The following TMCC3 variants were observed in gnomAD, a reference collection of about 807,000 sequenced individuals.
TMCC3 encodes transmembrane and coiled-coil domain protein 3.
In TMCC3, 28 loss-of-function variants were observed where a neutral mutation model predicts 40.2. That is an observed-to-expected ratio of 0.70 (90% CI 0.52 to 0.95). The LOEUF (loss-of-function observed/expected upper bound fraction) is 0.95, where lower values mean the gene tolerates loss of function less well. Ranked by LOEUF, TMCC3 falls within the 40% of genes least tolerant of loss-of-function variation. TMCC3 has a pLI of 0.00. For missense variants in TMCC3, 554 were observed against 615.2 expected, an observed-to-expected ratio of 0.90 and a Z score of 1.05; for synonymous variants, 255 against 248.5, an observed-to-expected ratio of 1.03 and a Z score of -0.25.
At chr12:94,618,983 T>C (rs2068861522) in intron 1 of TMCC3, among the ~76,000 whole-genome samples, 1 of 152,198 alleles carries the variant, frequency 6.6e-6, no homozygotes, top group Non-Finnish European at 1.5e-5. Flanking sequence ...GCCATTGAGG[T>C]GGCAACTTCC....
intron 1 of TMCC3, among the ~76,000 whole-genome samples, chr12:94,607,552 A>C (rs546232981): frequency 1.1e-4 from 16 of 152,340 alleles, no homozygotes; most frequent in Middle Eastern, 3.4e-3. Context: ...CCATGGTTCC[A>C]GGCGGTCTCT....
chr12:94,591,414 T>A (rs1448809858), intron 1 of TMCC3, among the ~76,000 whole-genome samples: 4 of 148,886 alleles, frequency 2.7e-5, no homozygotes, highest in Admixed American at 1.4e-4. Context: ...ATTTTTTTTT[T>A]TCTTTAAATT....
chr12:94,627,384 C>T (rs1412796659), intron 1 of TMCC3, among the ~76,000 whole-genome samples: 1 of 152,190 alleles, frequency 6.6e-6, no homozygotes, highest in Non-Finnish European at 1.5e-5. Flanking sequence ...TATCAACATT[C>T]TAGTCCAAGC....
At chr12:94,580,496 A>C (rs1315789515) in intron 2 of TMCC3, among the ~76,000 whole-genome samples, 1 of 152,178 alleles carries the variant, frequency 6.6e-6, no homozygotes, top group African/African-American at 2.4e-5. Context: ...GCACTTTGGG[A>C]GGACAAGGCG....
At chr12:94,597,539 T>C (rs2068726094) in intron 1 of TMCC3, among the ~76,000 whole-genome samples, 2 of 151,994 alleles carry the variant, frequency 1.3e-5, no homozygotes, top group Admixed American at 1.3e-4. Flanking sequence ...GTGCAGCAGC[T>C]CACGCCTGTA....
At chr12:94,581,578 T>A (rs752374332) in intron 2 of TMCC3, 44 bp downstream of exon 2, 33 of 1,204,678 alleles carry the variant, frequency 2.7e-5, no homozygotes, top group African/African-American at 1.9e-4. Context: ...AAAAAATAAA[T>A]AAATAAAAAA....
intron 1 of TMCC3, among the ~76,000 whole-genome samples, chr12:94,649,531 A>G (rs1048603800): frequency 6.9e-6 from 1 of 145,250 alleles, no homozygotes; most frequent in East Asian, 1.9e-4. Context: ...TGGCACTTCA[A>G]TCAGCCCTGG....
chr12:94,620,114 G>T (rs910190162), intron 1 of TMCC3, among the ~76,000 whole-genome samples: 1 of 151,800 alleles, frequency 6.6e-6, no homozygotes, highest in African/African-American at 2.4e-5. Context: ...GGCGAGCCAA[G>T]ATAGTGCCAT....
At chr12:94,601,117 T>C (rs1054434340) in intron 1 of TMCC3, among the ~76,000 whole-genome samples, 2 of 152,206 alleles carry the variant, frequency 1.3e-5, no homozygotes, top group Non-Finnish European at 2.9e-5. Flanking sequence ...GTAACTGTAT[T>C]TACAGCTACC....
At chr12:94,577,275 G>T (rs2068571178) in intron 3 of TMCC3, among the ~76,000 whole-genome samples, 1 of 152,020 alleles carries the variant, frequency 6.6e-6, no homozygotes, top group Non-Finnish European at 1.5e-5. Context: ...TGCAACCTCT[G>T]CCTCCCGGAT....
chr12:94,595,600 G>A (rs77614706), intron 1 of TMCC3, among the ~76,000 whole-genome samples: 1 of 152,316 alleles, frequency 6.6e-6, no homozygotes, highest in African/African-American at 2.4e-5. Flanking sequence ...GGAAAAACAT[G>A]TACTGGATGA....
At chr12:94,589,992 C>G (rs1309117114) in intron 1 of TMCC3, among the ~76,000 whole-genome samples, 1 of 152,074 alleles carries the variant, frequency 6.6e-6, no homozygotes, top group Non-Finnish European at 1.5e-5. Flanking sequence ...GTTTAGACTA[C>G]TCTGTCAGAA....
At position 94,590,881 on chromosome 12, in the gene TMCC3, A is replaced by T. The variant is rs114396364; in HGVS notation, c.79-8343T>A. On this transcript the variant is annotated intron_variant, in intron 1 of 3. Coordinates refer to ENST00000261226, the MANE Select transcript of TMCC3 (RefSeq NM_020698.4). The stretch of plus-strand genomic sequence containing the variant: ...CACTGGAGAGGAGCCCCTGGATGTT[A>T]TCGGGCTCAGCCTAGATGAGTGAGT... The T allele has an allele frequency of 9.6e-4, 553 of 576,208 alleles. 4 individuals carry two copies. Among genetic ancestry groups the T allele is most frequent in the African/African-American group, 9.1e-3 (481 of 52,992 alleles). 35.7% of individuals were successfully genotyped at this position (576,208 alleles called of 1,614,324 possible).
In TMCC3 at chr12:94,639,509, G is replaced by A. The variant is rs565145972; in HGVS notation, c.78+10844C>T. 2.0e-5 allele frequency among the ~76,000 whole-genome samples: 3 copies of A among 152,210 alleles called. No individual in the cohort carries two copies. In the East Asian group the frequency reaches 5.8e-4, roughly 29 times the overall value. ...GAGGCAGAATTGCTTGAACCTGGGA[G>A]GCGGAGGCTGCAGTGAGCCAAGACT... is the stretch of plus-strand genomic sequence containing the variant. On this transcript the variant is annotated intron_variant, in intron 1 of 3. Transcript: ENST00000261226.
chr12:94,625,500 A>G (rs2068899528), intron 1 of TMCC3, among the ~76,000 whole-genome samples: 1 of 151,408 alleles, frequency 6.6e-6, no homozygotes, highest in Admixed American at 6.6e-5. Flanking sequence ...AGGCTGAGGC[A>G]GGAGAACGGC....
chr12:94,597,147 ATATATATATATG>A (rs1158948024), intron 1 of TMCC3, among the ~76,000 whole-genome samples: 812 of 15,342 alleles, frequency 0.053, 41 homozygotes, highest in Middle Eastern at 0.19. Context: ...ATATATATAT[ATATATATATATG>A]TATATAAATT....
chr12:94,573,456 C>G (rs1475507813), intron 3 of TMCC3, among the ~76,000 whole-genome samples: 1 of 152,298 alleles, frequency 6.6e-6, no homozygotes, highest in East Asian at 1.9e-4. Flanking sequence ...TTTCATAAAA[C>G]CTTTACAATC....
chr12:94,631,845 A>G (rs2068935449), intron 1 of TMCC3, among the ~76,000 whole-genome samples: 1 of 152,244 alleles, frequency 6.6e-6, no homozygotes, highest in South Asian at 2.1e-4. Context: ...AACTTTTCAT[A>G]ATGCTGCAGT....
chr12:94,574,595 G>A (rs1445838027), intron 3 of TMCC3, among the ~76,000 whole-genome samples: 1 of 152,156 alleles, frequency 6.6e-6, no homozygotes, highest in Non-Finnish European at 1.5e-5. Context: ...TTCTTCTGCT[G>A]AATAACTCTA....
Sources: gnomAD v4.1 joint callset for allele counts (sites outside exome capture counted in the v4.1 genomes callset) on GRCh38, gnomAD v4.1.1 for gene constraint, MANE v1.5 for transcripts, NCBI Gene and HGNC (gene_info 2026-07-23, HGNC 2026-07-21) for gene names.